The following ACAP2 variants were observed in gnomAD, a reference collection of about 807,000 sequenced individuals.
ACAP2 encodes the protein ArfGAP with coiled-coil, ankyrin repeat and PH domains 2.
Under a neutral mutation model 115.8 loss-of-function variants are expected in ACAP2, and 39 were observed. The ratio of observed to expected loss-of-function variants is 0.34; its 90% CI spans 0.26 to 0.44. The LOEUF (loss-of-function observed/expected upper bound fraction) is 0.44. ACAP2 is among the 20% of genes least tolerant of loss of function. The probability of loss-of-function intolerance (pLI) is 1.00; values close to 1 mark genes in which losing one functional copy is unlikely to be tolerated. For synonymous variants in ACAP2, 289 were observed against 315.8 expected (o/e 0.92, Z 0.90); for missense variants, 662 against 927.6 (o/e 0.71, Z 3.72).
intron 1 of ACAP2, among the ~76,000 whole-genome samples, chr3:195,424,279 ATATATTTTTTTTT>A (rs1207483211): frequency 1.4e-3 from 71 of 50,686 alleles, no homozygotes; most frequent in African/African-American, 4.9e-3. Flanking sequence ...ATATATATAT[ATATATTTTTTTTT>A]TTTTTTTTTT....
chr3:195,405,149 T>A (rs1400834228), intron 1 of ACAP2, among the ~76,000 whole-genome samples: 1 of 152,146 alleles, frequency 6.6e-6, no homozygotes, highest in Admixed American at 6.6e-5. Context: ...GGACTGCTAA[T>A]CTAGCTCTCA....
chr3:195,334,891 G>C (rs755229326), intron 7 of ACAP2, among the ~76,000 whole-genome samples: 2 of 152,060 alleles, frequency 1.3e-5, no homozygotes, highest in Non-Finnish European at 2.9e-5. Context: ...TCAGGACAAT[G>C]CTATGTTCTA....
chr3:195,408,878 A>G (rs2108806023), intron 1 of ACAP2, among the ~76,000 whole-genome samples: 1 of 152,340 alleles, frequency 6.6e-6, no homozygotes, highest in South Asian at 2.1e-4. Flanking sequence ...ATGCATAAAA[A>G]TCATACTGAC....
chr3:195,347,421 GC>G (rs1266589051), intron 4 of ACAP2, among the ~76,000 whole-genome samples: 2 of 152,100 alleles, frequency 1.3e-5, no homozygotes, highest in Non-Finnish European at 2.9e-5. Flanking sequence ...GTTATTCCAA[GC>G]AAAAGAAGTC....
At chr3:195,348,078 G>A (rs894711306) in intron 4 of ACAP2, among the ~76,000 whole-genome samples, 1 of 151,616 alleles carries the variant, frequency 6.6e-6, no homozygotes, top group Non-Finnish European at 1.5e-5. Flanking sequence ...CTAAACCTGG[G>A]AATGTATTTG....
At chr3:195,400,267 G>C (rs1712173120) in intron 1 of ACAP2, among the ~76,000 whole-genome samples, 1 of 151,562 alleles carries the variant, frequency 6.6e-6, no homozygotes, top group Non-Finnish European at 1.5e-5. Context: ...CCTACATGGA[G>C]AATTTGAGGT....
At chr3:195,436,444 ACT>A (rs1025214272) in intron 1 of ACAP2, among the ~76,000 whole-genome samples, 3 of 151,846 alleles carry the variant, frequency 2.0e-5, no homozygotes, top group African/African-American at 7.3e-5. Context: ...CTCTTATTAT[ACT>A]TGCCTGTAGT....
chr3:195,335,362 A>C (rs921412927), intron 7 of ACAP2, among the ~76,000 whole-genome samples: 8 of 152,244 alleles, frequency 5.3e-5, no homozygotes, highest in African/African-American at 1.9e-4. Context: ...ATATTTAATG[A>C]CATATAACTT....
chr3:195,326,968 A>G lies in ACAP2; in HGVS notation c.670-9T>C, dbSNP rs559448190. ...ACAACCAGTCGATCCAACTGTAAAAAGGGAAAAGAGAAAACTGCAGACTTA... is the reference window on the plus strand; with the variant it reads ...ACAACCAGTCGATCCAACTGTAAAAGGGGAAAAGAGAAAACTGCAGACTTA... On this transcript the variant is annotated splice_polypyrimidine_tract_variant and intron_variant, in intron 8 of 22. Coordinates refer to ENST00000326793, the MANE Select transcript of ACAP2 (RefSeq NM_012287.6). 3 of 1,612,508 alleles carry G rather than the reference A, an allele frequency of 1.9e-6. No homozygotes were observed. In the South Asian group the frequency reaches 3.3e-5, roughly 18 times the overall value.
intron 1 of ACAP2, among the ~76,000 whole-genome samples, chr3:195,414,699 TGA>T: frequency 6.6e-6 from 1 of 152,156 alleles, no homozygotes; most frequent in African/African-American, 2.4e-5. Flanking sequence ...AGCAACCACA[TGA>T]CACTCAAAGA....
intron 4 of ACAP2, among the ~76,000 whole-genome samples, chr3:195,351,033 C>A (rs1224683960): frequency 6.6e-6 from 1 of 151,318 alleles, no homozygotes; most frequent in Non-Finnish European, 1.5e-5. Flanking sequence ...AAAAACACTG[C>A]TACAAAAATG....
intron 15 of ACAP2, among the ~76,000 whole-genome samples, chr3:195,298,630 A>T (rs1727813588): frequency 6.7e-6 from 1 of 149,488 alleles, no homozygotes; most frequent in South Asian, 2.1e-4. Context: ...TGTCATTTCC[A>T]TTTATTCCTT....
At chr3:195,285,436 T>C (rs867949979) in intron 22 of ACAP2, 7 of 184,910 alleles carry the variant, frequency 3.8e-5, no homozygotes, top group Admixed American at 3.7e-4. Flanking sequence ...AGAAAACAAC[T>C]ATTTTGCTGC....
intron 4 of ACAP2, among the ~76,000 whole-genome samples, chr3:195,379,872 G>A (rs775607661): frequency 3.9e-5 from 6 of 152,218 alleles, no homozygotes; most frequent in Admixed American, 6.5e-5. Flanking sequence ...AAACCAGTAA[G>A]CACATAAAAG....
chr3:195,292,239 G>A (rs560878469), intron 19 of ACAP2, 26 bp downstream of exon 19: 1 of 1,532,562 alleles, frequency 6.5e-7, no homozygotes, highest in Non-Finnish European at 8.7e-7. Context: ...GATTGCTACT[G>A]AAAATGTCAT....
At chr3:195,331,145 T>C (rs1730139260) in intron 8 of ACAP2, among the ~76,000 whole-genome samples, 1 of 152,154 alleles carries the variant, frequency 6.6e-6, no homozygotes, top group Admixed American at 6.5e-5. Context: ...TGGTGACTTG[T>C]TGGCTTCTCC....
intron 1 of ACAP2, among the ~76,000 whole-genome samples, chr3:195,410,080 T>C (rs144770757): frequency 7.5e-4 from 114 of 152,180 alleles, no homozygotes; most frequent in Middle Eastern, 6.8e-3. Flanking sequence ...GACAGCCATA[T>C]AGACCTCCAG....
intron 1 of ACAP2, among the ~76,000 whole-genome samples, chr3:195,435,713 T>C (rs767474887): frequency 2.0e-5 from 3 of 152,222 alleles, no homozygotes; most frequent in Non-Finnish European, 4.4e-5. Flanking sequence ...TCAGAAAATA[T>C]TTTGTATGAT....
chr3:195,340,292 A>G (rs1730782073), intron 6 of ACAP2, among the ~76,000 whole-genome samples: 1 of 151,426 alleles, frequency 6.6e-6, no homozygotes, highest in African/African-American at 2.4e-5. Flanking sequence ...TCGAACTTCT[A>G]TGAGAGTAAA....
Sources: gnomAD v4.1 joint callset for allele counts (sites outside exome capture counted in the v4.1 genomes callset) on GRCh38, gnomAD v4.1.1 for gene constraint, MANE v1.5 for transcripts, NCBI Gene and HGNC (gene_info 2026-07-23, HGNC 2026-07-21) for gene names.